The following DLGAP1 variants were observed in gnomAD, a reference collection of about 807,000 sequenced individuals.
The protein encoded by DLGAP1 is DLG associated protein 1, also known as disks large-associated protein 1.
A neutral mutation model predicts 90.8 loss-of-function variants in DLGAP1; 11 were observed. The ratio of observed to expected loss-of-function variants is 0.12; its 90% confidence interval spans 0.08 to 0.20. DLGAP1 has a LOEUF of 0.20. DLGAP1 is among the 10% of genes least tolerant of loss of function. The probability of loss-of-function intolerance (pLI) is 1.00; values close to 1 mark genes in which losing one functional copy is unlikely to be tolerated. For synonymous variants in DLGAP1, 558 were observed against 540.7 expected (o/e 1.03, Z -0.44); for missense variants, 1,050 against 1,333.8 (o/e 0.79, Z 3.31).
intron 1 of DLGAP1, among the ~76,000 whole-genome samples, chr18:4,370,264 C>T (rs781354061): frequency 4.6e-5 from 7 of 152,066 alleles, no homozygotes; most frequent in Non-Finnish European, 1.0e-4. Flanking sequence ...CAGATCAGGG[C>T]AAGGGAAAGA....
intron 9 of DLGAP1, among the ~76,000 whole-genome samples, chr18:3,558,814 C>T (rs11877190): frequency 0.12 from 18,896 of 151,922 alleles, 1,251 homozygotes; most frequent in East Asian, 0.22. Context: ...TTTTCTTATC[C>T]ACTCTGACAA....
At chr18:3,882,670 T>C (rs1296080208) in intron 3 of DLGAP1, among the ~76,000 whole-genome samples, 1 of 152,026 alleles carries the variant, frequency 6.6e-6, no homozygotes, top group Non-Finnish European at 1.5e-5. Context: ...CCATGTAGGG[T>C]ATCTCAGTCC....
At chr18:3,717,698 A>G (rs1271178064) in intron 7 of DLGAP1, among the ~76,000 whole-genome samples, 1 of 152,228 alleles carries the variant, frequency 6.6e-6, no homozygotes, top group Non-Finnish European at 1.5e-5. Context: ...TACAGCGTTC[A>G]CTGGAGCAGC....
At chr18:4,136,256 T>C (rs1200819430) in intron 2 of DLGAP1, among the ~76,000 whole-genome samples, 1 of 152,168 alleles carries the variant, frequency 6.6e-6, no homozygotes, top group African/African-American at 2.4e-5. Flanking sequence ...TTTGGATATA[T>C]ACCTAGCAGT....
intron 1 of DLGAP1, among the ~76,000 whole-genome samples, chr18:4,280,109 G>C (rs2079514800): frequency 1.3e-5 from 2 of 151,718 alleles, no homozygotes; most frequent in Admixed American, 6.6e-5. Context: ...TTGCTATTTA[G>C]CTTCAACATG....
intron 12 of DLGAP1, among the ~76,000 whole-genome samples, chr18:3,501,405 A>G (rs1177901809): frequency 6.6e-6 from 1 of 152,192 alleles, no homozygotes; most frequent in Non-Finnish European, 1.5e-5. Context: ...CCCAAGTGAG[A>G]GGCCACATGT....
intron 1 of DLGAP1, among the ~76,000 whole-genome samples, chr18:4,300,120 C>G (rs1406577235): frequency 2.6e-5 from 4 of 152,136 alleles, no homozygotes; most frequent in Non-Finnish European, 5.9e-5. Context: ...TAGAGAAATA[C>G]TTGATTCAAT....
rs75254249 is a variant in DLGAP1, at chr18:3,924,135, T to C, written c.-72-43995A>G. ...TGGAGTGTCACTATTACAGAAATAG[T>C]GAGCCTGGCAGAGGCTAGAAAGCAA... On this transcript the variant is annotated intron_variant, in intron 3 of 12. Transcript: ENST00000315677. 1.9e-3 allele frequency among the ~76,000 whole-genome samples: 290 copies of C among 152,300 alleles called. 2 individuals carry two copies. The highest frequency in any genetic ancestry group is 6.5e-3 in the African/African-American group (272 of 41,566).
intron 1 of DLGAP1, among the ~76,000 whole-genome samples, chr18:4,377,170 G>GCGTGT (rs2082030978): frequency 6.6e-6 from 1 of 152,004 alleles, no homozygotes; most frequent in Non-Finnish European, 1.5e-5. Context: ...ACACAGTTCA[G>GCGTGT]TCATAATGGC....
chr18:4,139,882 A>G (rs908336209), intron 2 of DLGAP1, among the ~76,000 whole-genome samples: 3 of 151,882 alleles, frequency 2.0e-5, no homozygotes, highest in African/African-American at 7.2e-5. Flanking sequence ...ATTTCTTTTT[A>G]GAGCTTTTTG....
intron 1 of DLGAP1, among the ~76,000 whole-genome samples, chr18:4,236,221 AGTAC>A (rs2078412276): frequency 1.3e-5 from 2 of 152,332 alleles, no homozygotes; most frequent in South Asian, 4.1e-4. Context: ...TCAATCAGTA[AGTAC>A]ATGAAAATGA....
intron 2 of DLGAP1, among the ~76,000 whole-genome samples, chr18:4,121,095 G>A (rs2076147263): frequency 6.6e-6 from 1 of 152,144 alleles, no homozygotes; most frequent in South Asian, 2.1e-4. Context: ...CTAGAGTGGG[G>A]GTGCAAGTTG....
chr18:3,855,802 C>T (rs369521510), intron 4 of DLGAP1, among the ~76,000 whole-genome samples: 16 of 152,102 alleles, frequency 1.1e-4, no homozygotes, highest in Admixed American at 2.6e-4. Flanking sequence ...TTAGTAGAGA[C>T]GGGGTTCACT....
At chr18:4,118,621 C>T (rs2076100972) in intron 2 of DLGAP1, among the ~76,000 whole-genome samples, 1 of 148,550 alleles carries the variant, frequency 6.7e-6, no homozygotes, top group Admixed American at 6.8e-5. Context: ...CCATTCCTCC[C>T]ATGGTGAAAC....
intron 6 of DLGAP1, among the ~76,000 whole-genome samples, chr18:3,732,526 T>G (rs145376329): frequency 5.2e-4 from 79 of 152,232 alleles, no homozygotes; most frequent in African/African-American, 1.9e-3. Context: ...AAGATAAATT[T>G]GTTCTCTCTT....
At chr18:3,991,408 C>G (rs918666890) in intron 3 of DLGAP1, among the ~76,000 whole-genome samples, 1 of 152,090 alleles carries the variant, frequency 6.6e-6, no homozygotes, top group Non-Finnish European at 1.5e-5. Flanking sequence ...TTCAGGAGTC[C>G]AAACCTTATG....
rs989387559 is a variant in DLGAP1, at chr18:3,775,268, G to A, written c.1173-32756C>T. Among the ~76,000 whole-genome samples, 8 of 152,162 alleles carry A rather than the reference G, an allele frequency of 5.3e-5. No homozygotes were observed. The highest frequency in any genetic ancestry group is 1.2e-4 in the Non-Finnish European group (8 of 68,040). On this transcript the variant is annotated intron_variant, in intron 5 of 12. Coordinates refer to ENST00000315677, the MANE Select transcript of DLGAP1 (RefSeq NM_004746.4). The surrounding 1 kb of genome is among the most constrained non-coding windows in gnomAD (Gnocchi z 4.9). ...CCCCTGTGTTATGCACATCGATATG[G>A]TTTGGCTTTGTGTCCCCACACAAAT...
intron 10 of DLGAP1, among the ~76,000 whole-genome samples, chr18:3,532,070 G>A (rs542413001): frequency 6.6e-5 from 10 of 151,864 alleles, no homozygotes; most frequent in African/African-American, 2.4e-4. Flanking sequence ...GGCTATGCTG[G>A]TCTTGAACTC....
chr18:3,817,461 T>C (rs1246616918), intron 4 of DLGAP1, among the ~76,000 whole-genome samples: 1 of 152,180 alleles, frequency 6.6e-6, no homozygotes, highest in Non-Finnish European at 1.5e-5. Context: ...TAGTAATACA[T>C]TATTTATATA....
Sources: gnomAD v4.1 joint callset for allele counts (sites outside exome capture counted in the v4.1 genomes callset) on GRCh38, gnomAD v4.1.1 for gene constraint, Gnocchi (gnomAD v3.1) non-coding constraint, MANE v1.5 for transcripts, NCBI Gene and HGNC (gene_info 2026-07-23, HGNC 2026-07-21) for gene names.